The following CXCL11 variants were observed in gnomAD, a reference collection of about 807,000 sequenced individuals.
CXCL11 encodes the protein C-X-C motif chemokine ligand 11.
In CXCL11, 7 loss-of-function variants were observed where a neutral mutation model predicts 9.7. That is an observed-to-expected ratio of 0.72 (90% CI 0.41 to 1.36). The LOEUF (loss-of-function observed/expected upper bound fraction) is 1.36. Ranked by LOEUF, CXCL11 falls within the 40% of genes most tolerant of loss-of-function variation. The probability of loss-of-function intolerance (pLI) is 0.01; values close to 1 mark genes in which losing one functional copy is unlikely to be tolerated. For missense variants in CXCL11, 107 were observed against 113.4 expected, an observed-to-expected ratio of 0.94 and a Z score of 0.26; for synonymous variants, 35 against 34.4, an observed-to-expected ratio of 1.02 and a Z score of -0.06.
rs1008401705 is a variant in CXCL11 at position 76,033,928 on chromosome 4, A to G, written c.*865T>C. The G allele has an allele frequency of 2.0e-5, 3 of 152,424 alleles. No individual in the cohort carries two copies. The highest frequency in any genetic ancestry group is 7.2e-5 in the African/African-American group (3 of 41,480). 9.4% of individuals were successfully genotyped at this position (152,424 alleles called of 1,614,324 possible). On this transcript the variant is annotated 3_prime_UTR_variant, in exon 4 of 4. Coordinates refer to ENST00000306621, the MANE Select transcript of CXCL11 (RefSeq NM_005409.5). Reference sequence around the variant, plus strand: ...ATTTTGTATTTCAGATGTGTCCAAGATATTGCTATCATTTATACAAACGGA... The same window carrying G: ...ATTTTGTATTTCAGATGTGTCCAAGGTATTGCTATCATTTATACAAACGGA...
chr4:76,035,793 T>C, intron 1 of CXCL11, 134 bp downstream of exon 1: 1 of 739,830 alleles, frequency 1.4e-6, no homozygotes, highest in South Asian at 1.9e-5. Context: ...ATTTCTGTGC[T>C]AAAGCTGTAG....
chr4:76,034,894 A>G, intron 3 of CXCL11, 78 bp from the exon 4 acceptor site: 1 of 1,407,466 alleles, frequency 7.1e-7, no homozygotes, highest in South Asian at 1.2e-5. Context: ...ATGTAGTAAG[A>G]AGGGGAAGCT....
intron 2 of CXCL11, 40 bp downstream of exon 2, chr4:76,035,176 A>G: frequency 2.5e-6 from 4 of 1,613,884 alleles, no homozygotes; most frequent in Non-Finnish European, 2.5e-6. Context: ...TAAACAAAAA[A>G]GCCTGCACCA....
chr4:76,034,794 T>A lies in CXCL11; in HGVS notation c.284A>T (p.Ter95LeuextTer6), dbSNP rs61757197. 1.9e-3 allele frequency: 2,978 copies of A among 1,543,734 alleles called. 10 individuals carry two copies. The highest frequency in any genetic ancestry group is 2.3e-3 in the Non-Finnish European group (2,602 of 1,120,900). Reference sequence around the variant, plus strand: ...AGGACTTCATATGTTTTGATATTTTTAAAAATTCTTTCTTTCAACTTTCTG... The same window carrying A: ...AGGACTTCATATGTTTTGATATTTTAAAAAATTCTTTCTTTCAACTTTCTG... ...IIKKVERKNF[*>L] Residue 95 changes from the stop codon to leucine (L), a stop_lost, in exon 4 of 4, where the codon TAA (stop) becomes TTA (leucine). Coordinates refer to ENST00000306621, the MANE Select transcript of CXCL11 (RefSeq NM_005409.5).
chr4:76,034,928 A>G (rs1169369879), intron 3 of CXCL11, 112 bp from the exon 4 acceptor site: 124 of 1,352,232 alleles, frequency 9.2e-5, no homozygotes, highest in Non-Finnish European at 7.3e-6. Context: ...ACCCCTTAAC[A>G]GAATATTTCA....
Position 76,034,072 on chromosome 4 carries a change from C to CACAA in CXCL11, c.*720_*721insTTGT, listed in dbSNP as rs1170293183. 5.7e-6 allele frequency: 1 copy of CACAA among 174,388 alleles called. No individual in the cohort carries two copies. The highest frequency in any genetic ancestry group is 2.4e-5 in the African/African-American group (1 of 42,410). 10.8% of individuals were successfully genotyped at this position (174,388 alleles called of 1,614,324 possible). ...TACTAATTTGGTTATGAAATATGTG[C>CACAA]ACTTTTGCCAGTATCCCATAGCGTA... On this transcript the variant is annotated 3_prime_UTR_variant, in exon 4 of 4. Coordinates refer to ENST00000306621, the MANE Select transcript of CXCL11 (RefSeq NM_005409.5).
Position 76,036,013 on chromosome 4 carries a change from T to A in CXCL11, c.-26A>T, listed in dbSNP as rs756087891. ...GTTTGTTTTTTGCTGTTGCTGCTGG[T>A]GCTGCTGCTGCTACTTCAGCTTTGC... On this transcript the variant is annotated 5_prime_UTR_variant, in exon 1 of 4. Coordinates refer to ENST00000306621, the MANE Select transcript of CXCL11 (RefSeq NM_005409.5). 1.9e-6 allele frequency: 3 copies of A among 1,605,062 alleles called. No homozygotes were observed. The highest frequency in any genetic ancestry group is 2.6e-6 in the Non-Finnish European group (3 of 1,173,368).
Position 76,035,283 on chromosome 4 carries a change from T to C in CXCL11, c.121A>G (p.Lys41Glu). ...GAGGCTTTCTCAATATCTGCCACTT[T>C]CACTGCTTTTACCCCAGGGCCTATG... Reference protein sequence around the residue: ...LCIGPGVKAVKVADIEKASIM... With the variant: ...LCIGPGVKAVEVADIEKASIM... Residue 41 changes from lysine to glutamate, a missense_variant, in exon 2 of 4, where the codon AAA becomes GAA. Physicochemically the swap from Lys to Glu is moderately conservative, Grantham distance 56 (BLOSUM62 1). Coordinates refer to ENST00000306621, the MANE Select transcript of CXCL11 (RefSeq NM_005409.5). 2 of 1,614,108 alleles carry C rather than the reference T, an allele frequency of 1.2e-6. No homozygotes were observed. The highest frequency in any genetic ancestry group is 1.3e-5 in the African/African-American group (1 of 75,068).
Position 76,034,567 on chromosome 4 carries a change from G to C in CXCL11, c.*226C>G, listed in dbSNP as rs1330889971. The C allele has an allele frequency of 1.7e-6, 1 of 573,988 alleles. No homozygotes were observed. The highest frequency in any genetic ancestry group is 3.0e-6 in the Non-Finnish European group (1 of 331,218). 35.6% of individuals were successfully genotyped at this position (573,988 alleles called of 1,614,324 possible). On this transcript the variant is annotated 3_prime_UTR_variant, in exon 4 of 4. Coordinates refer to ENST00000306621, the MANE Select transcript of CXCL11 (RefSeq NM_005409.5). ...CCATTTAATTGTTGGACTCCTTTGGGCAGTGGAATTCTGATTGTCATTCAT... is the reference window on the plus strand; with the variant it reads ...CCATTTAATTGTTGGACTCCTTTGGCCAGTGGAATTCTGATTGTCATTCAT...
In CXCL11 at chr4:76,035,061, T is replaced by G; in HGVS notation, c.247A>C (p.Arg83=). 6.2e-7 allele frequency: 1 copy of G among 1,613,516 alleles called. No homozygotes were observed. Among genetic ancestry groups the G allele is most frequent in the Admixed American group, 1.7e-5 (1 of 60,026 alleles). Residue 83 remains arginine, a synonymous_variant, in exon 3 of 4, where the codon AGG becomes CGG. Coordinates refer to ENST00000306621, the MANE Select transcript of CXCL11 (RefSeq NM_005409.5). ...TGGTAACTTACTTTGATTATAAGCC[T>G]TGCTTGCTTCGATTTGGGATTTAGG... ...RCLNPKSKQA[R]LIIKKVERKN...
chr4:76,034,783 T>A lies in CXCL11; in HGVS notation c.*10A>T. 2 of 1,519,114 alleles carry A rather than the reference T, an allele frequency of 1.3e-6. No individual in the cohort carries two copies. The highest frequency in any genetic ancestry group is 1.8e-6 in the Non-Finnish European group (2 of 1,099,282). 94.1% of individuals were successfully genotyped at this position (1,519,114 alleles called of 1,614,324 possible). A position where few individuals can be genotyped will look rare whatever the true frequency, so the allele number is the denominator to read the frequency against. ...TGCTCTTTTCCAGGACTTCATATGT[T>A]TTGATATTTTTAAAAATTCTTTCTT... On this transcript the variant is annotated 3_prime_UTR_variant, in exon 4 of 4. Coordinates refer to ENST00000306621, the MANE Select transcript of CXCL11 (RefSeq NM_005409.5).
Position 76,034,676 on chromosome 4 carries a change from AC to A in CXCL11, c.*116del. 1 of 849,762 alleles carries A rather than the reference AC, an allele frequency of 1.2e-6. No homozygotes were observed. Among genetic ancestry groups the A allele is most frequent in the Non-Finnish European group, 1.9e-6 (1 of 534,422 alleles). 52.6% of individuals were successfully genotyped at this position (849,762 alleles called of 1,614,324 possible). A position where few individuals can be genotyped will look rare whatever the true frequency, so the allele number is the denominator to read the frequency against. On this transcript the variant is annotated 3_prime_UTR_variant, in exon 4 of 4. Coordinates refer to ENST00000306621, the MANE Select transcript of CXCL11 (RefSeq NM_005409.5). ...CTGTACAAAAGTTGAAAGTCACAAA[AC>A]CATAGAAAAGTCTCAGTTTCCTACT...
At position 76,034,267 on chromosome 4, in the gene CXCL11, G is replaced by C. The variant is rs560998601; in HGVS notation, c.*526C>G. 109 of 395,946 alleles carry C rather than the reference G, an allele frequency of 2.8e-4. 1 individual carries two copies. The Middle Eastern group carries it at 3.2e-3, about 12-fold the overall frequency. 24.5% of individuals were successfully genotyped at this position (395,946 alleles called of 1,614,324 possible). On this transcript the variant is annotated 3_prime_UTR_variant, in exon 4 of 4. Transcript: ENST00000306621. The stretch of plus-strand genomic sequence containing the variant: ...TTTGAGGAATGTTTTACGACACATA[G>C]ATGCTTTTGACTTATAAGGGCTTGA...
At position 76,033,777 on chromosome 4, in the gene CXCL11, A is replaced by G. The variant is rs1172630972; in HGVS notation, c.*1016T>C. ...TGAGTATACCTAAATTTTACAGTAT[A>G]TAGGCATGAACAAAGAAATTGATTA... On this transcript the variant is annotated 3_prime_UTR_variant, in exon 4 of 4. Coordinates refer to ENST00000306621, the MANE Select transcript of CXCL11 (RefSeq NM_005409.5). 6.6e-6 allele frequency: 1 copy of G among 152,232 alleles called. No homozygotes were observed. Among genetic ancestry groups the G allele is most frequent in the Non-Finnish European group, 1.5e-5 (1 of 68,034 alleles). 9.4% of individuals were successfully genotyped at this position (152,232 alleles called of 1,614,324 possible). A position where few individuals can be genotyped will look rare whatever the true frequency, so the allele number is the denominator to read the frequency against.
rs1206785000 is a variant in CXCL11 at position 76,034,760 on chromosome 4, C to T, written c.*33G>A. 4 of 1,456,436 alleles carry T rather than the reference C, an allele frequency of 2.7e-6. No homozygotes were observed. The African/African-American group carries it at 4.2e-5, about 15-fold the overall frequency. 90.2% of individuals were successfully genotyped at this position (1,456,436 alleles called of 1,614,324 possible). A position where few individuals can be genotyped will look rare whatever the true frequency, so the allele number is the denominator to read the frequency against. On this transcript the variant is annotated 3_prime_UTR_variant, in exon 4 of 4. Transcript: ENST00000306621. ...AAACTTGTTCTAGGTTTTTCAGATG[C>T]TCTTTTCCAGGACTTCATATGTTTT...
In CXCL11 at chr4:76,034,788, T is replaced by C; in HGVS notation, c.*5A>G. 1 of 1,534,808 alleles carries C rather than the reference T, an allele frequency of 6.5e-7. No individual in the cohort carries two copies. The highest frequency in any genetic ancestry group is 9.0e-7 in the Non-Finnish European group (1 of 1,113,004). On this transcript the variant is annotated 3_prime_UTR_variant, in exon 4 of 4. Transcript: ENST00000306621. Reference sequence around the variant, plus strand: ...TTTTCCAGGACTTCATATGTTTTGATATTTTTAAAAATTCTTTCTTTCAAC... The same window carrying C: ...TTTTCCAGGACTTCATATGTTTTGACATTTTTAAAAATTCTTTCTTTCAAC...
At chr4:76,035,897 A>T (rs751105525) in intron 1 of CXCL11, 30 bp downstream of exon 1, 1 of 1,594,914 alleles carries the variant, frequency 6.3e-7, no homozygotes, top group South Asian at 1.1e-5. Flanking sequence ...AAAGGAACTT[A>T]TAGGTTGAGA....
rs1056861895 is a variant in CXCL11, at chr4:76,035,994, T to G, written c.-7A>C. 2.5e-6 allele frequency: 4 copies of G among 1,613,768 alleles called. No individual in the cohort carries two copies. Among genetic ancestry groups the G allele is most frequent in the Non-Finnish European group, 3.4e-6 (4 of 1,179,848 alleles). On this transcript the variant is annotated 5_prime_UTR_variant, in exon 1 of 4. Coordinates refer to ENST00000306621, the MANE Select transcript of CXCL11 (RefSeq NM_005409.5). ...CCATGCCCTTCACACTCATGTTTGT[T>G]TTTTGCTGTTGCTGCTGGTGCTGCT...
intron 2 of CXCL11, 22 bp from the exon 3 acceptor site, chr4:76,035,141 G>C: frequency 5.0e-6 from 8 of 1,613,234 alleles, no homozygotes; most frequent in Non-Finnish European, 5.1e-6. Flanking sequence ...ACATACAAGA[G>C]TCTTAAAGTT....
Sources: gnomAD v4.1 joint callset for allele counts on GRCh38, gnomAD v4.1.1 for gene constraint, MANE v1.5 for transcripts, NCBI Gene and HGNC (gene_info 2026-07-23, HGNC 2026-07-21) for gene names.